Variants in FOXK1 observed in about 807,000 individuals in gnomAD.
FOXK1 encodes the protein forkhead box K1.
Under a neutral mutation model 51.9 loss-of-function variants are expected in FOXK1, and 19 were observed. The ratio of observed to expected loss-of-function variants is 0.37; its 90% CI spans 0.26 to 0.54. The LOEUF (loss-of-function observed/expected upper bound fraction) is 0.54, where lower values mean the gene tolerates loss of function less well. Among genes scored for constraint, FOXK1 ranks in the 20% least tolerant of loss-of-function variants. The pLI is 0.87. For missense variants in FOXK1, 870 were observed against 1,032.7 expected (o/e 0.84, Z 2.16); for synonymous variants, 537 against 482.6 (o/e 1.11, Z -1.48).
chr7:4,701,303 A>G lies in FOXK1; in HGVS notation c.560+18435A>G, dbSNP rs144866246. Reference sequence around the variant, plus strand: ...GGTTTTACCTTGAATTAGTTTGAGTAACGTTTGTTGGGTACAGAGACTGGC... The same window carrying G: ...GGTTTTACCTTGAATTAGTTTGAGTGACGTTTGTTGGGTACAGAGACTGGC... On this transcript the variant is annotated intron_variant, in intron 1 of 8. Transcript: ENST00000328914. Among the ~76,000 whole-genome samples the G allele has an allele frequency of 9.1e-4, 139 of 152,320 alleles. 2 individuals are homozygous for G. The East Asian group carries it at 0.015, about 16-fold the overall frequency.
chr7:4,734,865 C>T lies in FOXK1; in HGVS notation c.561-5973C>T, dbSNP rs374150154. Among the ~76,000 whole-genome samples, 2 of 152,162 alleles carry T rather than the reference C, an allele frequency of 1.3e-5. No individual in the cohort carries two copies. Among genetic ancestry groups the T allele is most frequent in the Admixed American group, 6.5e-5 (1 of 15,286 alleles). ...AAACCCGTCCTTCCGCTGGGAGAGACGGGGCGAGGGGACAGCGGTGGACAG... is the reference window on the plus strand; with the variant it reads ...AAACCCGTCCTTCCGCTGGGAGAGATGGGGCGAGGGGACAGCGGTGGACAG... On this transcript the variant is annotated intron_variant, in intron 1 of 8. Transcript: ENST00000328914. This position sits in a 1 kb window ranked among gnomAD's most constrained non-coding sequence, Gnocchi z 5.2.
intron 1 of FOXK1, among the ~76,000 whole-genome samples, chr7:4,713,163 C>T (rs1033269061): frequency 6.6e-6 from 1 of 152,272 alleles, no homozygotes; most frequent in South Asian, 2.1e-4. Flanking sequence ...TAGTTACTTA[C>T]ATTTTGAAAT....
At chr7:4,701,699 C>T (rs1419110743) in intron 1 of FOXK1, among the ~76,000 whole-genome samples, 2 of 152,204 alleles carry the variant, frequency 1.3e-5, no homozygotes, top group Non-Finnish European at 2.9e-5. Flanking sequence ...CAAGACCATC[C>T]TGGCTAACAC....
chr7:4,685,520 C>T (rs983620256), intron 1 of FOXK1, among the ~76,000 whole-genome samples: 1 of 149,648 alleles, frequency 6.7e-6, no homozygotes, highest in Admixed American at 6.7e-5. Flanking sequence ...CTGCGCCCGG[C>T]CTCACTTTTT....
rs771092788 is a variant in FOXK1, at chr7:4,766,870, TGAGAG to T, written c.*4407_*4411del. The stretch of plus-strand genomic sequence containing the variant: ...AAAGCCCCGGGTGAGGGCTCCGTCT[TGAGAG>T]AGAGAGAAATCCCTTCTTTGGGCGA... On this transcript the variant is annotated 3_prime_UTR_variant, in exon 9 of 9. Transcript: ENST00000328914. This position sits in a 1 kb window ranked among gnomAD's most constrained non-coding sequence, Gnocchi z 5.5. The T allele has an allele frequency of 6.6e-5, 10 of 152,136 alleles. No individual in the cohort carries two copies. Among genetic ancestry groups the T allele is most frequent in the Non-Finnish European group, 1.3e-4 (9 of 68,024 alleles). 9.4% of individuals were successfully genotyped at this position (152,136 alleles called of 1,614,324 possible).
At chr7:4,741,514 A>G (rs1379032448) in intron 2 of FOXK1, among the ~76,000 whole-genome samples, 19 of 152,120 alleles carry the variant, frequency 1.2e-4, no homozygotes, top group Admixed American at 1.2e-3. Flanking sequence ...TATTTTTAGT[A>G]GAGACGGGGT....
chr7:4,688,672 G>A (rs78870585), intron 1 of FOXK1, among the ~76,000 whole-genome samples: 3,178 of 152,056 alleles, frequency 0.021, 108 homozygotes, highest in African/African-American at 0.071. Flanking sequence ...CAGCCCCCAC[G>A]CCCGGCACCC....
chr7:4,692,450 C>CA (rs1430662843), intron 1 of FOXK1, among the ~76,000 whole-genome samples: 23 of 152,246 alleles, frequency 1.5e-4, no homozygotes, highest in Admixed American at 1.4e-3. Flanking sequence ...GCTGGAGGGG[C>CA]AGTGGCACGA....
Position 4,759,580 on chromosome 7 carries a change from G to T in FOXK1, c.1681G>T (p.Gly561Cys). 4 of 1,536,968 alleles carry T rather than the reference G, an allele frequency of 2.6e-6. No individual in the cohort carries two copies. Among genetic ancestry groups the T allele is most frequent in the African/African-American group, 1.4e-5 (1 of 73,246 alleles). ...GGCGGGCGCAGCCGTGCTGGACCTG[G>T]GCAGCGAGGCCAGAGGTAATGCAGC... The part of the protein sequence containing the change: ...DAAGAAVLDL[G>C]SEARGLEEKP... Residue 561 changes from glycine to cysteine, a missense_variant, in exon 7 of 9, where the codon GGC becomes TGC. Physicochemically the swap from Gly to Cys is radical, Grantham distance 159 (BLOSUM62 -3). Coordinates refer to ENST00000328914, the MANE Select transcript of FOXK1 (RefSeq NM_001037165.2).
rs991117985 is a variant in FOXK1, at chr7:4,707,788, A to G, written c.560+24920A>G. Among the ~76,000 whole-genome samples the G allele has an allele frequency of 6.6e-6, 1 of 151,386 alleles. No individual in the cohort carries two copies. The highest frequency in any genetic ancestry group is 2.4e-5 in the African/African-American group (1 of 41,104). On this transcript the variant is annotated intron_variant, in intron 1 of 8. Coordinates refer to ENST00000328914, the MANE Select transcript of FOXK1 (RefSeq NM_001037165.2). The surrounding 1 kb of genome is among the most constrained non-coding windows in gnomAD (Gnocchi z 4.1). ...CAACCTCCGCCTCCTGGGTTCAAGC[A>G]ATTCTCCTACCTCAGCCCCCCAAGT...
chr7:4,725,526 G>A (rs1780369456), intron 1 of FOXK1, among the ~76,000 whole-genome samples: 1 of 152,262 alleles, frequency 6.6e-6, no homozygotes, highest in African/African-American at 2.4e-5. Context: ...CGCTCCGCAG[G>A]AGTGAGAAGC....
intron 7 of FOXK1, among the ~76,000 whole-genome samples, chr7:4,760,500 A>G (rs755067718): frequency 6.6e-6 from 1 of 152,218 alleles, no homozygotes; most frequent in Non-Finnish European, 1.5e-5. Flanking sequence ...TTTCATTCCA[A>G]GTAATACGTT....
In FOXK1 at chr7:4,707,789, A is replaced by T. The variant is rs914272957; in HGVS notation, c.560+24921A>T. On this transcript the variant is annotated intron_variant, in intron 1 of 8. Coordinates refer to ENST00000328914, the MANE Select transcript of FOXK1 (RefSeq NM_001037165.2). The surrounding 1 kb of genome is among the most constrained non-coding windows in gnomAD (Gnocchi z 4.1). ...AACCTCCGCCTCCTGGGTTCAAGCA[A>T]TTCTCCTACCTCAGCCCCCCAAGTA... is the stretch of plus-strand genomic sequence containing the variant. 1.3e-5 allele frequency among the ~76,000 whole-genome samples: 2 copies of T among 151,624 alleles called. No individual in the cohort carries two copies. The highest frequency in any genetic ancestry group is 1.3e-4 in the Admixed American group (2 of 15,212).
In FOXK1 at chr7:4,758,338, C is replaced by T. The variant is rs1327916916; in HGVS notation, c.1245-713C>T. On this transcript the variant is annotated intron_variant, in intron 5 of 8. Coordinates refer to ENST00000328914, the MANE Select transcript of FOXK1 (RefSeq NM_001037165.2). This position sits in a 1 kb window ranked among gnomAD's most constrained non-coding sequence, Gnocchi z 4.4. ...GCCCAGTCTGGAGGAGCATGCACCG[C>T]CTGTGAGCGGTCTGGGCAGCGCTTC... is the stretch of plus-strand genomic sequence containing the variant. 3 of 152,328 alleles carry T rather than the reference C, an allele frequency of 2.0e-5. No homozygotes were observed. Among genetic ancestry groups the T allele is most frequent in the Non-Finnish European group, 4.4e-5 (3 of 68,106 alleles). The allele number at this position is 152,328 out of a possible 1,614,324, so 9.4% of individuals were successfully genotyped here. A position where few individuals can be genotyped will look rare whatever the true frequency, so the allele number is the denominator to read the frequency against.
At chr7:4,698,822 G>A (rs964385280) in intron 1 of FOXK1, among the ~76,000 whole-genome samples, 14 of 152,266 alleles carry the variant, frequency 9.2e-5, no homozygotes, top group African/African-American at 3.4e-4. Context: ...CCAAGTAACT[G>A]GAACTATAGG....
chr7:4,732,077 C>G (rs1185391115), intron 1 of FOXK1, among the ~76,000 whole-genome samples: 1 of 152,210 alleles, frequency 6.6e-6, no homozygotes, highest in African/African-American at 2.4e-5. Flanking sequence ...AGCCGCTGCA[C>G]TGTTCCACTT....
intron 1 of FOXK1, among the ~76,000 whole-genome samples, chr7:4,732,122 G>A (rs1165767138): frequency 6.6e-6 from 1 of 152,202 alleles, no homozygotes; most frequent in African/African-American, 2.4e-5. Context: ...TGTTGTAAAC[G>A]TTTCCATATT....
rs576345038 is a variant in FOXK1 at position 4,720,420 on chromosome 7, T to G, written c.561-20418T>G. Among the ~76,000 whole-genome samples the G allele has an allele frequency of 3.5e-4, 53 of 152,324 alleles. 1 individual carries two copies. In the South Asian group the frequency reaches 0.011, roughly 30 times the overall value. ...CTTTTTCTCTGTTGTTCAGGTTGGG[T>G]AATCTTTACTGTTTCAGCTTCAAGC... On this transcript the variant is annotated intron_variant, in intron 1 of 8. Coordinates refer to ENST00000328914, the MANE Select transcript of FOXK1 (RefSeq NM_001037165.2).
Position 4,762,769 on chromosome 7 carries a change from T to C in FOXK1, c.*305T>C. The C allele has an allele frequency of 2.6e-6, 1 of 380,038 alleles. No individual in the cohort carries two copies. Among genetic ancestry groups the C allele is most frequent in the Non-Finnish European group, 4.9e-6 (1 of 203,174 alleles). The allele number at this position is 380,038 out of a possible 1,614,324, so 23.5% of individuals were successfully genotyped here. ...CTCCCTGTCGGGCATGGGGAGGAGG[T>C]TGGAGCTCAGCATCTTGAGGAATGT... On this transcript the variant is annotated 3_prime_UTR_variant, in exon 9 of 9. Coordinates refer to ENST00000328914, the MANE Select transcript of FOXK1 (RefSeq NM_001037165.2). The surrounding 1 kb of genome is among the most constrained non-coding windows in gnomAD (Gnocchi z 5.7).
Sources: gnomAD v4.1 joint callset for allele counts (sites outside exome capture counted in the v4.1 genomes callset) on GRCh38, gnomAD v4.1.1 for gene constraint, Gnocchi (gnomAD v3.1) non-coding constraint, MANE v1.5 for transcripts, NCBI Gene and HGNC (gene_info 2026-07-23, HGNC 2026-07-21) for gene names.